Variants in TIAM2 observed in about 807,000 individuals in gnomAD.
TIAM2 encodes the protein TIAM Rac1 associated GEF 2, also known as rho guanine nucleotide exchange factor TIAM2.
Under a neutral mutation model 152.9 loss-of-function variants are expected in TIAM2, and 80 were observed. The observed-to-expected ratio is 0.52, with a 90% CI of 0.44 to 0.63. The LOEUF (loss-of-function observed/expected upper bound fraction) is 0.63. TIAM2 is among the 30% of genes least tolerant of loss of function. The pLI, the probability that TIAM2 is intolerant of heterozygous loss-of-function variation, is 0.00. For missense variants in TIAM2, 1,965 were observed against 2,120.1 expected, an observed-to-expected ratio of 0.93 and a Z score of 1.44; for synonymous variants, 804 against 838.0, an observed-to-expected ratio of 0.96 and a Z score of 0.70.
intron 1 of TIAM2, among the ~76,000 whole-genome samples, chr6:155,024,508 G>C (rs537859796): frequency 5.3e-5 from 8 of 151,804 alleles, no homozygotes; most frequent in African/African-American, 1.9e-4. Flanking sequence ...TTCTTTAATA[G>C]TTTTTCTTTG....
chr6:155,117,047 A>G (rs1779030721), intron 2 of TIAM2, among the ~76,000 whole-genome samples: 2 of 151,126 alleles, frequency 1.3e-5, no homozygotes, highest in African/African-American at 4.9e-5. Context: ...AACATTTGAT[A>G]TATTTAAAAA....
chr6:155,005,249 G>T, intron 1 of TIAM2: 2 of 227,542 alleles, frequency 8.8e-6, no homozygotes, highest in South Asian at 8.0e-5. Flanking sequence ...AATTCCGTCT[G>T]GAAGCAGGCC....
intron 1 of TIAM2, chr6:155,022,497 C>T (rs1158546513): frequency 6.6e-6 from 1 of 152,274 alleles, no homozygotes; most frequent in African/African-American, 2.4e-5. Flanking sequence ...GACAGGGTTT[C>T]ACCATGTTAG....
chr6:155,221,459 G>C (rs1033312137), intron 15 of TIAM2, among the ~76,000 whole-genome samples: 1 of 152,156 alleles, frequency 6.6e-6, no homozygotes, highest in Non-Finnish European at 1.5e-5. Context: ...TATTTGCCAC[G>C]TTTATTTCTG....
Position 155,240,645 on chromosome 6 carries a change from C to G in TIAM2, c.3284C>G (p.Ser1095Cys), listed in dbSNP as rs1329293476. The change falls in exon 16 of 27, where the codon TCT becomes TGT. Residue 1095 changes from serine (S) to cysteine (C), a missense_variant. By Grantham distance (112) the Ser-to-Cys change is moderately radical. Around this residue, in one of 3 missense-constraint regions of TIAM2, gnomAD observed 935 missense variants for 980.0 expected, o/e 0.95. Transcript: ENST00000682666. ...CCGAGGTCTCTGGCCCGCCACCTGT[C>G]TGATGCAGACCGCCTCCGCAAAGTC... is the stretch of plus-strand genomic sequence containing the variant. ...PPPRSLARHLSDADRLRKVIQ... is the reference protein window; with the variant it reads ...PPPRSLARHLCDADRLRKVIQ... 1.2e-6 allele frequency: 2 copies of G among 1,613,932 alleles called. No individual in the cohort carries two copies. The highest frequency in any genetic ancestry group is 2.2e-5 in the East Asian group (1 of 44,900).
chr6:155,257,384 A>ATT lies in TIAM2; in HGVS notation c.*264_*265dup, dbSNP rs111434371. On this transcript the variant is annotated 3_prime_UTR_variant, in exon 27 of 27. Transcript: ENST00000682666. ...TATCAAATGATTTAGGATCCTTAAA[A>ATT]TTACATTCTAATAATTAAGTTATGT... The ATT allele has an allele frequency of 0.055, 23,434 of 423,186 alleles. 993 individuals are homozygous for ATT. The highest frequency in any genetic ancestry group is 0.18 in the East Asian group (3,671 of 20,514). The allele number at this position is 423,186 out of a possible 1,614,324, so 26.2% of individuals were successfully genotyped here.
At chr6:155,161,356 T>A (rs1292424407) in intron 7 of TIAM2, among the ~76,000 whole-genome samples, 1 of 152,168 alleles carries the variant, frequency 6.6e-6, no homozygotes, top group Non-Finnish European at 1.5e-5. Context: ...TTTTTGCATT[T>A]TTTTGTAGAG....
At chr6:155,114,976 C>T (rs965239979) in intron 2 of TIAM2, among the ~76,000 whole-genome samples, 5 of 151,832 alleles carry the variant, frequency 3.3e-5, no homozygotes, top group Admixed American at 1.3e-4. Flanking sequence ...TACAGGTGCC[C>T]GCCACCACTC....
intron 6 of TIAM2, among the ~76,000 whole-genome samples, chr6:155,146,748 C>G (rs1779826843): frequency 6.7e-6 from 1 of 149,116 alleles, no homozygotes; most frequent in African/African-American, 2.5e-5. Context: ...ATTACAGGTG[C>G]CCGCCGCTAT....
At chr6:155,029,054 TA>T (rs1453811569) in intron 1 of TIAM2, among the ~76,000 whole-genome samples, 8 of 123,674 alleles carry the variant, frequency 6.5e-5, no homozygotes, top group African/African-American at 2.7e-4. Flanking sequence ...CTATGTTATA[TA>T]TACACTGTAT....
In TIAM2 at chr6:155,183,385, A is replaced by G; in HGVS notation, c.2949A>G (p.Thr983=). The G allele has an allele frequency of 6.2e-7, 1 of 1,613,456 alleles. No homozygotes were observed. The change falls in exon 14 of 27, where the codon ACA becomes ACG. Residue 983 remains threonine (T), a synonymous_variant. Coordinates refer to ENST00000682666, the MANE Select transcript of TIAM2 (RefSeq NM_012454.4). ...RPPDTKATLC[T]SWSDSDLFSR... is the part of the protein sequence containing the mutation. ...CGGACACAAAAGCAACCCTGTGTAC[A>G]TCCTGGTCAGACAGTGACCTGTTCT...
At chr6:155,197,549 G>T (rs1334651131) in intron 14 of TIAM2, among the ~76,000 whole-genome samples, 2 of 151,984 alleles carry the variant, frequency 1.3e-5, no homozygotes, top group Non-Finnish European at 2.9e-5. Context: ...TGAATGTATT[G>T]GTCTGTTCTT....
intron 15 of TIAM2, among the ~76,000 whole-genome samples, chr6:155,227,237 A>G (rs1475678965): frequency 6.6e-6 from 1 of 152,202 alleles, no homozygotes; most frequent in Non-Finnish European, 1.5e-5. Flanking sequence ...CAACTGTTTC[A>G]TGGCTGTGAG....
chr6:155,110,144 G>T (rs897507476), intron 2 of TIAM2, among the ~76,000 whole-genome samples: 2 of 151,550 alleles, frequency 1.3e-5, no homozygotes, highest in Non-Finnish European at 2.9e-5. Context: ...GTAGAGACGG[G>T]GTTTCACCAT....
At chr6:155,029,470 A>ACT (rs1253539284) in intron 1 of TIAM2, among the ~76,000 whole-genome samples, 1 of 48,238 alleles carries the variant, frequency 2.1e-5, no homozygotes, top group African/African-American at 1.1e-4. Context: ...TATAATATAT[A>ACT]CTATAGTATA....
At chr6:155,092,903 G>A (rs1375732614) in intron 2 of TIAM2, among the ~76,000 whole-genome samples, 1 of 152,132 alleles carries the variant, frequency 6.6e-6, no homozygotes, top group Non-Finnish European at 1.5e-5. Context: ...GTCATTAAAT[G>A]GTAACACAAG....
At chr6:155,036,492 C>T (rs1485520799) in intron 1 of TIAM2, among the ~76,000 whole-genome samples, 1 of 146,012 alleles carries the variant, frequency 6.8e-6, no homozygotes. Flanking sequence ...CAAGATTGTA[C>T]CACTGCACTC....
Position 155,244,651 on chromosome 6 carries a change from C to T in TIAM2, c.3418-7C>T. 6.2e-7 allele frequency: 1 copy of T among 1,613,552 alleles called. No homozygotes were observed. Among genetic ancestry groups the T allele is most frequent in the African/African-American group, 1.3e-5 (1 of 75,024 alleles). Reference sequence around the variant, plus strand: ...TCCCCTCATTTCAAATCCTGATCTTCACATAGATGGAGTCACTTTTTGGAA... The same window carrying T: ...TCCCCTCATTTCAAATCCTGATCTTTACATAGATGGAGTCACTTTTTGGAA... On this transcript the variant is annotated splice_polypyrimidine_tract_variant and splice_region_variant and intron_variant, in intron 17 of 26. Coordinates refer to ENST00000682666, the MANE Select transcript of TIAM2 (RefSeq NM_012454.4).
chr6:155,154,735 G>C (rs1453335768), intron 7 of TIAM2, among the ~76,000 whole-genome samples: 1 of 152,156 alleles, frequency 6.6e-6, no homozygotes, highest in East Asian at 1.9e-4. Context: ...GGTTAATTAG[G>C]CTGGGGAGGG....
Sources: gnomAD v4.1 joint callset for allele counts (sites outside exome capture counted in the v4.1 genomes callset) on GRCh38, gnomAD v4.1.1 for gene constraint, gnomAD v4.1.1 regional missense constraint, MANE v1.5 for transcripts, NCBI Gene and HGNC (gene_info 2026-07-23, HGNC 2026-07-21) for gene names.